ATP1B4: variants seen among roughly 807,000 people sequenced by gnomAD.
ATP1B4 encodes ATPase Na+/K+ transporting family member beta 4.
ATP1B4 carries 32 observed loss-of-function variants against 29.6 expected under a neutral mutation model. The ratio of observed to expected loss-of-function variants is 1.08; its 90% CI spans 0.82 to 1.45. The LOEUF (loss-of-function observed/expected upper bound fraction) is 1.45, where lower values mean the gene tolerates loss of function less well. ATP1B4 is among the 40% of genes most tolerant of loss of function. The pLI, the probability that ATP1B4 is intolerant of heterozygous loss-of-function variation, is 0.00. For missense variants in ATP1B4, 323 were observed against 276.2 expected (o/e 1.17, Z -1.20); for synonymous variants, 127 against 102.1 (o/e 1.24, Z -1.47).
At chrX:120,368,195 A>T (rs1193363145) in intron 2 of ATP1B4, among the ~76,000 whole-genome samples, 1 of 111,439 alleles carries the variant, frequency 9.0e-6, no homozygotes, top group Non-Finnish European at 1.9e-5. Context: ...ATATGGCAAT[A>T]GGGACACAGC....
chrX:120,374,316 G>A (rs1270887291), intron 4 of ATP1B4, among the ~76,000 whole-genome samples: 2 of 106,584 alleles, frequency 1.9e-5, no homozygotes, highest in African/African-American at 3.4e-5. Context: ...GTCGGGAGGT[G>A]GGGTGCTACT....
At position 120,375,448 on chromosome X, in the gene ATP1B4, G is replaced by A. The variant is rs747128365; in HGVS notation, c.639G>A (p.Glu213=). ...AGTACTTCATCCAAGATGGCAATGA[G>A]GATGAGGACAAGAAGGCCTGCCAAT... ...PGQYFIQDGN[E]DEDKKACQFK... is the part of the protein sequence containing the mutation. Residue 213 remains glutamate, a synonymous_variant, in exon 5 of 8, where the codon GAG becomes GAA. Coordinates refer to ENST00000218008, the MANE Select transcript of ATP1B4 (RefSeq NM_001142447.3). 5 of 1,211,058 alleles carry A rather than the reference G, an allele frequency of 4.1e-6. No individual in the cohort carries two copies. Among genetic ancestry groups the A allele is most frequent in the Admixed American group, 2.2e-5 (1 of 45,998 alleles).
chrX:120,374,762 T>TATATATTA lies in ATP1B4; in HGVS notation c.563-610_563-609insATATATTA, dbSNP rs756799984. On this transcript the variant is annotated intron_variant, in intron 4 of 7. Transcript: ENST00000218008. ...ATATATAAGGGTGTATATATATATA[T>TATATATTA]TATATATATATAATATATATATATT... 2.1e-4 allele frequency among the ~76,000 whole-genome samples: 5 copies of TATATATTA among 23,602 alleles called. 2 individuals are homozygous for TATATATTA. The highest frequency in any genetic ancestry group is 3.2e-4 in the Non-Finnish European group (4 of 12,404). The allele number at this position is 23,602 out of a possible 115,157, so 20.5% of individuals were successfully genotyped here. A position where few individuals can be genotyped will look rare whatever the true frequency, so the allele number is the denominator to read the frequency against.
At chrX:120,378,320 G>A (rs2058366348) in intron 6 of ATP1B4, among the ~76,000 whole-genome samples, 1 of 111,778 alleles carries the variant, frequency 8.9e-6, no homozygotes, top group Admixed American at 9.5e-5. Flanking sequence ...TTTGGAGAAA[G>A]GCTGGAGTTG....
At chrX:120,376,087 T>C (rs2058353462) in intron 5 of ATP1B4, among the ~76,000 whole-genome samples, 1 of 111,747 alleles carries the variant, frequency 8.9e-6, no homozygotes, top group South Asian at 3.8e-4. Flanking sequence ...GGCAGAGCCT[T>C]ATCAGTCACA....
chrX:120,375,424 G>C lies in ATP1B4; in HGVS notation c.615G>C (p.Gln205His). ...TGAATGTAGATTGTCCCCCGGGGCA[G>C]TACTTCATCCAAGATGGCAATGAGG... The part of the protein sequence containing the change: ...EEMNVDCPPG[Q>H]YFIQDGNEDE... The change falls in exon 5 of 8, where the codon CAG becomes CAC. Residue 205 changes from glutamine to histidine, a missense_variant. Coordinates refer to ENST00000218008, the MANE Select transcript of ATP1B4 (RefSeq NM_001142447.3). 1 of 1,210,990 alleles carries C rather than the reference G, an allele frequency of 8.3e-7. No individual in the cohort carries two copies.
chrX:120,375,758 G>A (rs1235103249), intron 5 of ATP1B4, among the ~76,000 whole-genome samples, 190 bp downstream of exon 5: 1 of 108,477 alleles, frequency 9.2e-6, no homozygotes, highest in Non-Finnish European at 1.9e-5. Flanking sequence ...CACTTCCTAT[G>A]GCCATTCTTC....
rs1170160751 is a variant in ATP1B4, at chrX:120,380,165, G to C, written c.*531G>C. 1 of 110,527 alleles carries C rather than the reference G, an allele frequency of 9.0e-6. No homozygotes were observed. The highest frequency in any genetic ancestry group is 9.7e-5 in the Admixed American group (1 of 10,330). The allele number at this position is 110,527 out of a possible 1,213,427, so 9.1% of individuals were successfully genotyped here. The stretch of plus-strand genomic sequence containing the variant: ...GGATCACTTGAGCCCAGGAGGTCAA[G>C]GCTGCAGTGAGCTGCACTGCATTCC... On this transcript the variant is annotated 3_prime_UTR_variant, in exon 8 of 8. Coordinates refer to ENST00000218008, the MANE Select transcript of ATP1B4 (RefSeq NM_001142447.3).
intron 2 of ATP1B4, among the ~76,000 whole-genome samples, chrX:120,367,441 C>T (rs1313510218): frequency 8.9e-6 from 1 of 111,764 alleles, no homozygotes; most frequent in Non-Finnish European, 1.9e-5. Flanking sequence ...CTTAGCATTT[C>T]CTCTTTGCAT....
intron 4 of ATP1B4, among the ~76,000 whole-genome samples, chrX:120,372,857 C>T (rs1373336739): frequency 8.9e-6 from 1 of 112,149 alleles, no homozygotes; most frequent in Non-Finnish European, 1.9e-5. Context: ...GGACTGGGTT[C>T]TTTCTGAGTC....
At chrX:120,374,774 A>T (rs1236491334) in intron 4 of ATP1B4, among the ~76,000 whole-genome samples, 24 of 1,120 alleles carry the variant, frequency 0.021, no homozygotes, top group Non-Finnish European at 0.036. Context: ...ATATATATAT[A>T]ATATATATAT....
chrX:120,374,537 AAT>A (rs1381095429), intron 4 of ATP1B4, among the ~76,000 whole-genome samples: 2 of 69,166 alleles, frequency 2.9e-5, no homozygotes, highest in Non-Finnish European at 5.3e-5. Context: ...CCTTATATAT[AAT>A]ATATATATAC....
chrX:120,368,060 G>C (rs970565911), intron 2 of ATP1B4, among the ~76,000 whole-genome samples: 1 of 111,967 alleles, frequency 8.9e-6, no homozygotes, highest in African/African-American at 3.2e-5. Flanking sequence ...GAATCTGGGA[G>C]GGGGAGCCTA....
At chrX:120,374,966 A>G (rs1049726477) in intron 4 of ATP1B4, among the ~76,000 whole-genome samples, 1 of 102,849 alleles carries the variant, frequency 9.7e-6, no homozygotes, top group African/African-American at 3.5e-5. Flanking sequence ...CCCTCTTCCA[A>G]AATCTACCAA....
At chrX:120,375,238 G>A (rs1305745203) in intron 4 of ATP1B4, 134 bp from the exon 5 acceptor site, 3 of 548,508 alleles carry the variant, frequency 5.5e-6, no homozygotes, top group African/African-American at 2.4e-5. Context: ...CAGGTCACAG[G>A]TAGACTGAGT....
At chrX:120,376,467 G>C (rs1454060394) in intron 6 of ATP1B4, 31 bp downstream of exon 6, 11 of 1,159,791 alleles carry the variant, frequency 9.5e-6, no homozygotes, top group South Asian at 1.8e-5. Context: ...AGCATTGTTA[G>C]CACATCTGTT....
At position 120,375,433 on chromosome X, in the gene ATP1B4, C is replaced by G. The variant is rs369964949; in HGVS notation, c.624C>G (p.Ile208Met). The G allele has an allele frequency of 8.3e-7, 1 of 1,210,854 alleles. No homozygotes were observed. The highest frequency in any genetic ancestry group is 3.0e-5 in the East Asian group (1 of 33,830). The change falls in exon 5 of 8, where the codon ATC (isoleucine) becomes ATG (methionine). Residue 208 changes from isoleucine (I) to methionine (M), a missense_variant. Ile to Met is a conservative substitution (Grantham distance 10). Transcript: ENST00000218008. ...NVDCPPGQYF[I>M]QDGNEDEDKK... is the part of the protein sequence containing the mutation. ...ATTGTCCCCCGGGGCAGTACTTCAT[C>G]CAAGATGGCAATGAGGATGAGGACA...
chrX:120,376,081 G>C (rs751113633), intron 5 of ATP1B4, among the ~76,000 whole-genome samples: 1 of 111,721 alleles, frequency 9.0e-6, no homozygotes, highest in African/African-American at 3.3e-5. Flanking sequence ...AGGTGTGGCA[G>C]AGCCTTATCA....
rs937200752 is a variant in ATP1B4, at chrX:120,379,551, C to A, written c.991C>A (p.Leu331Met). 3 of 1,209,500 alleles carry A rather than the reference C, an allele frequency of 2.5e-6. No homozygotes were observed. Among genetic ancestry groups the A allele is most frequent in the Admixed American group, 4.4e-5 (2 of 45,732 alleles). Reference sequence around the variant, plus strand: ...CCAAGCAGTGCCTGTGCAGTGCCAACTGAAGGGCAAAGGCGTCATAAATGA... The same window carrying A: ...CCAAGCAGTGCCTGTGCAGTGCCAAATGAAGGGCAAAGGCGTCATAAATGA... Reference protein sequence around the residue: ...KNQAVPVQCQLKGKGVINDVI... With the variant: ...KNQAVPVQCQMKGKGVINDVI... Residue 331 changes from leucine (L) to methionine (M), a missense_variant, in exon 8 of 8, where the codon CTG (leucine) becomes ATG (methionine). Coordinates refer to ENST00000218008, the MANE Select transcript of ATP1B4 (RefSeq NM_001142447.3).
Sources: allele counts gnomAD v4.1 joint callset (sites outside exome capture counted in the v4.1 genomes callset), GRCh38; gene constraint gnomAD v4.1.1; transcripts MANE v1.5; gene names NCBI Gene and HGNC (gene_info 2026-07-23, HGNC 2026-07-21).